The following SNRK variants were observed in gnomAD, a reference collection of about 807,000 sequenced individuals.
The protein encoded by SNRK is SNF-related serine/threonine-protein kinase.
Under a neutral mutation model 48.2 loss-of-function variants are expected in SNRK, and 3 were observed. That is an observed-to-expected ratio of 0.06 (90% CI 0.03 to 0.16). The LOEUF is 0.16. Ranked by LOEUF, SNRK falls within the 10% of genes least tolerant of loss-of-function variation. The probability of loss-of-function intolerance (pLI) is 1.00; values close to 1 mark genes in which losing one functional copy is unlikely to be tolerated. For synonymous variants in SNRK, 376 were observed against 366.1 expected, an observed-to-expected ratio of 1.03 and a Z score of -0.31; for missense variants, 627 against 976.0, an observed-to-expected ratio of 0.64 and a Z score of 4.76.
At chr3:43,308,342 A>G (rs936520294) in intron 3 of SNRK, among the ~76,000 whole-genome samples, 10 of 152,210 alleles carry the variant, frequency 6.6e-5, no homozygotes, top group East Asian at 1.9e-4. Context: ...ACAGCCTTCT[A>G]TTGGAAGAAG....
chr3:43,341,374 A>G (rs1416814888), intron 5 of SNRK, among the ~76,000 whole-genome samples: 1 of 152,096 alleles, frequency 6.6e-6, no homozygotes. Flanking sequence ...GATGGTCTCG[A>G]TCTCCTGACC....
chr3:43,319,222 T>C (rs1018176997), intron 3 of SNRK, among the ~76,000 whole-genome samples: 8 of 152,042 alleles, frequency 5.3e-5, no homozygotes, highest in African/African-American at 1.9e-4. Context: ...TTATATAGGG[T>C]TGTAATAAGA....
chr3:43,343,274 A>G (rs1356923503), intron 5 of SNRK, 70 bp from the exon 6 acceptor site: 13 of 1,499,324 alleles, frequency 8.7e-6, no homozygotes, highest in African/African-American at 1.4e-5. Flanking sequence ...TACTTTTAAA[A>G]ATCAATTCTG....
intron 3 of SNRK, among the ~76,000 whole-genome samples, chr3:43,325,387 G>C (rs951193038): frequency 1.3e-5 from 2 of 152,036 alleles, no homozygotes; most frequent in African/African-American, 4.8e-5. Context: ...AGATGGTCTC[G>C]ATCTCCTGAC....
chr3:43,334,124 C>T (rs550974195), intron 4 of SNRK, among the ~76,000 whole-genome samples: 3 of 150,984 alleles, frequency 2.0e-5, no homozygotes, highest in East Asian at 3.9e-4. Flanking sequence ...CCAGCCTGGG[C>T]GACAGAGTGA....
intron 1 of SNRK, among the ~76,000 whole-genome samples, chr3:43,288,183 A>G (rs1365115115): frequency 1.3e-5 from 2 of 152,142 alleles, no homozygotes; most frequent in East Asian, 1.9e-4. Context: ...AACTTTTTAT[A>G]ATACTCTCAT....
At chr3:43,334,885 C>T (rs1364597498) in intron 4 of SNRK, among the ~76,000 whole-genome samples, 3 of 152,178 alleles carry the variant, frequency 2.0e-5, no homozygotes, top group Non-Finnish European at 2.9e-5. Context: ...AGCCACCACG[C>T]CCAGCCTATA....
chr3:43,309,660 A>G (rs139938945), intron 3 of SNRK, among the ~76,000 whole-genome samples: 2,018 of 149,462 alleles, frequency 0.014, 21 homozygotes, highest in Non-Finnish European at 0.023. Flanking sequence ...TCTGTAGCCC[A>G]GGCTGGAGTG....
At chr3:43,291,690 T>C (rs1286562475) in intron 1 of SNRK, among the ~76,000 whole-genome samples, 5 of 152,240 alleles carry the variant, frequency 3.3e-5, no homozygotes, top group African/African-American at 4.8e-5. Flanking sequence ...CTTGTTGGGC[T>C]GTAGATCCTG....
chr3:43,329,294 C>T (rs1027592392), intron 3 of SNRK, among the ~76,000 whole-genome samples: 18 of 151,934 alleles, frequency 1.2e-4, no homozygotes, highest in African/African-American at 4.1e-4. Context: ...AAAAATTAGC[C>T]GGGTGTGGTG....
chr3:43,341,131 C>T (rs2125645982), intron 5 of SNRK, among the ~76,000 whole-genome samples: 1 of 152,092 alleles, frequency 6.6e-6, no homozygotes, highest in South Asian at 2.1e-4. Flanking sequence ...CCTTTAAAAC[C>T]AAAGCCAGTT....
In SNRK at chr3:43,303,865, T is replaced by A; in HGVS notation, c.589+73T>A. On this transcript the variant is annotated intron_variant, in intron 3 of 6. Transcript: ENST00000296088. The surrounding 1 kb of genome is among the most constrained non-coding windows in gnomAD (Gnocchi z 6.2). ...GAGTTGGTCAGATCGGTTGTTTATCTAAAAATGATTTCTAGAGAATTTCTG... is the reference window on the plus strand; with the variant it reads ...GAGTTGGTCAGATCGGTTGTTTATCAAAAAATGATTTCTAGAGAATTTCTG... 9.2e-7 allele frequency: 1 copy of A among 1,089,960 alleles called. No homozygotes were observed. Among genetic ancestry groups the A allele is most frequent in the Non-Finnish European group, 1.3e-6 (1 of 749,138 alleles). 67.5% of individuals were successfully genotyped at this position (1,089,960 alleles called of 1,614,324 possible). A position where few individuals can be genotyped will look rare whatever the true frequency, so the allele number is the denominator to read the frequency against.
intron 5 of SNRK, among the ~76,000 whole-genome samples, chr3:43,341,276 A>G (rs977371180): frequency 6.6e-6 from 1 of 151,644 alleles, no homozygotes; most frequent in Admixed American, 6.6e-5. Context: ...TCAGCCTCCC[A>G]AGTAGCTGGG....
intron 3 of SNRK, among the ~76,000 whole-genome samples, chr3:43,310,145 A>G (rs981033032): frequency 7.2e-5 from 11 of 152,150 alleles, no homozygotes; most frequent in Non-Finnish European, 2.9e-5. Flanking sequence ...TTTCGTGTCT[A>G]ATCTATGAAT....
chr3:43,333,873 C>T (rs948567202), intron 4 of SNRK, among the ~76,000 whole-genome samples: 8 of 152,042 alleles, frequency 5.3e-5, no homozygotes, highest in South Asian at 2.1e-4. Flanking sequence ...TGAGGCTGGG[C>T]GCAGTGGCTC....
chr3:43,321,921 A>AGTGC (rs2091056669), intron 3 of SNRK, among the ~76,000 whole-genome samples: 1 of 152,256 alleles, frequency 6.6e-6, no homozygotes, highest in Admixed American at 6.5e-5. Flanking sequence ...CAGGACACAA[A>AGTGC]GTGCGGTGGT....
intron 1 of SNRK, among the ~76,000 whole-genome samples, chr3:43,295,770 A>T (rs2090847944): frequency 6.6e-6 from 1 of 152,052 alleles, no homozygotes; most frequent in East Asian, 1.9e-4. Context: ...ACTGAGTCTC[A>T]CTCTTTTGCT....
chr3:43,287,223 A>G (rs1236204995), intron 1 of SNRK, among the ~76,000 whole-genome samples: 2 of 152,160 alleles, frequency 1.3e-5, no homozygotes, highest in African/African-American at 4.8e-5. Context: ...GGGGTAAGGA[A>G]AGAGGAGCAG....
At chr3:43,308,119 G>A (rs2090952470) in intron 3 of SNRK, among the ~76,000 whole-genome samples, 1 of 152,176 alleles carries the variant, frequency 6.6e-6, no homozygotes, top group South Asian at 2.1e-4. Context: ...TTCTCTGAGG[G>A]CTAAGAGAGG....
Sources: gnomAD v4.1 joint callset for allele counts (sites outside exome capture counted in the v4.1 genomes callset) on GRCh38, gnomAD v4.1.1 for gene constraint, Gnocchi (gnomAD v3.1) non-coding constraint, MANE v1.5 for transcripts, NCBI Gene and HGNC (gene_info 2026-07-23, HGNC 2026-07-21) for gene names.